The following AGTPBP1 variants were observed in gnomAD, a reference collection of about 807,000 sequenced individuals.
AGTPBP1 encodes the protein cytosolic carboxypeptidase 1.
In AGTPBP1, 70 loss-of-function variants were observed where a neutral mutation model predicts 143.9. The ratio of observed to expected loss-of-function variants is 0.49; its 90% CI spans 0.40 to 0.59. The LOEUF (loss-of-function observed/expected upper bound fraction) is 0.59. Ranked by LOEUF, AGTPBP1 falls within the 20% of genes least tolerant of loss-of-function variation. The pLI, the probability that AGTPBP1 is intolerant of heterozygous loss-of-function variation, is 0.00. For synonymous variants in AGTPBP1, 463 were observed against 500.2 expected, an observed-to-expected ratio of 0.93 and a Z score of 0.99; for missense variants, 1,229 against 1,464.5, an observed-to-expected ratio of 0.84 and a Z score of 2.62.
intron 23 of AGTPBP1, among the ~76,000 whole-genome samples, chr9:85,582,155 ATAGTTCAG>A (rs1484304286): frequency 1.3e-5 from 2 of 152,246 alleles, no homozygotes; most frequent in African/African-American, 4.8e-5. Context: ...TATCTTAACC[ATAGTTCAG>A]TATCAGAACA....
chr9:85,766,966 A>G, the AGTPBP1 span, among the ~76,000 whole-genome samples: 305 of 151,654 alleles, frequency 2.0e-3, 1 homozygote, highest in Non-Finnish European at 3.3e-3. Context: ...TCGTTACACT[A>G]ATAGAAGATT....
chr9:85,576,446 T>C (rs1827906828), intron 24 of AGTPBP1, among the ~76,000 whole-genome samples: 1 of 152,222 alleles, frequency 6.6e-6, no homozygotes. Context: ...TTTAAATTTT[T>C]CAACTTTTTG....
chr9:85,588,252 A>C (rs1246851494), intron 21 of AGTPBP1, 46 bp downstream of exon 21: 1 of 1,477,016 alleles, frequency 6.8e-7, no homozygotes, highest in East Asian at 2.4e-5. Flanking sequence ...TATACAGGAC[A>C]ACCACAATGG....
intron 1 of AGTPBP1, among the ~76,000 whole-genome samples, chr9:85,735,873 C>T (rs62570624): frequency 0.015 from 2,256 of 151,986 alleles, 25 homozygotes; most frequent in Middle Eastern, 0.037. Context: ...GTTTTTAATC[C>T]CTATATAACC....
chr9:85,728,048 C>T lies in AGTPBP1; in HGVS notation c.-34+13727G>A, dbSNP rs1202156737. On this transcript the variant is annotated intron_variant, in intron 1 of 25. Coordinates refer to ENST00000357081, the MANE Select transcript of AGTPBP1 (RefSeq NM_001330701.2). The stretch of plus-strand genomic sequence containing the variant: ...ATTTATATACACACACACACACACA[C>T]ACACACACACACACACACACACACA... 5.1e-3 allele frequency among the ~76,000 whole-genome samples: 758 copies of T among 149,732 alleles called. 8 individuals are homozygous for T. The highest frequency in any genetic ancestry group is 0.031 in the Middle Eastern group (9 of 294).
At chr9:85,744,778 T>C (rs934660819), upstream of AGTPBP1, among the ~76,000 whole-genome samples, 1 of 152,226 alleles carries the variant, frequency 6.6e-6, no homozygotes, top group Non-Finnish European at 1.5e-5. Flanking sequence ...TTCCCTTATC[T>C]GTACGAAACA....
intron 17 of AGTPBP1, among the ~76,000 whole-genome samples, chr9:85,602,046 A>G (rs575284179): frequency 6.6e-6 from 1 of 152,340 alleles, no homozygotes; most frequent in African/African-American, 2.4e-5. Flanking sequence ...CGACTGTTAT[A>G]CCAGATGTGC....
intron 6 of AGTPBP1, among the ~76,000 whole-genome samples, chr9:85,674,783 G>A (rs551025735): frequency 4.6e-5 from 7 of 152,192 alleles, no homozygotes; most frequent in Middle Eastern, 3.4e-3. Context: ...CTAGAAATAC[G>A]TATGTTAATA....
intron 25 of AGTPBP1, among the ~76,000 whole-genome samples, chr9:85,558,898 C>G (rs568818382): frequency 1.1e-4 from 16 of 152,198 alleles, no homozygotes; most frequent in Admixed American, 1.0e-3. Context: ...GGATTACAGG[C>G]GTGAGCCACT....
At chr9:85,725,539 T>C (rs4877950) in intron 1 of AGTPBP1, among the ~76,000 whole-genome samples, 113,656 of 151,864 alleles carry the variant, frequency 0.75, 43,740 homozygotes, top group African/African-American at 0.94. Context: ...CACAAACCTC[T>C]CCATAGGCAC....
rs543280504 is a variant in AGTPBP1, at chr9:85,554,874, T to C, written c.3504-7588A>G. Among the ~76,000 whole-genome samples the C allele has an allele frequency of 1.1e-4, 16 of 152,276 alleles. 1 individual carries two copies. The highest frequency in any genetic ancestry group is 3.1e-4 in the African/African-American group (13 of 41,548). ...AAGAATTTCACCATCTATTAATCTATTTAAAGAGAATCAAATGGAAAACCT... is the reference window on the plus strand; with the variant it reads ...AAGAATTTCACCATCTATTAATCTACTTAAAGAGAATCAAATGGAAAACCT... On this transcript the variant is annotated intron_variant, in intron 25 of 25. Transcript: ENST00000357081.
intron 2 of AGTPBP1, among the ~76,000 whole-genome samples, chr9:85,707,564 A>G (rs1228846126): frequency 6.6e-6 from 1 of 152,230 alleles, no homozygotes; most frequent in African/African-American, 2.4e-5. Context: ...TAAATGCTAG[A>G]CAGTAAAAAG....
intron 1 of AGTPBP1, among the ~76,000 whole-genome samples, chr9:85,736,960 G>C (rs929649334): frequency 5.3e-5 from 8 of 152,154 alleles, no homozygotes; most frequent in Non-Finnish European, 1.0e-4. Flanking sequence ...CAAAAAATTA[G>C]CCAGGCGTGG....
chr9:85,721,070 A>C (rs1186729232), intron 1 of AGTPBP1, among the ~76,000 whole-genome samples: 3 of 152,172 alleles, frequency 2.0e-5, no homozygotes, highest in African/African-American at 7.2e-5. Flanking sequence ...TTTGCTGAGG[A>C]GTGTTTTACT....
intron 7 of AGTPBP1, among the ~76,000 whole-genome samples, chr9:85,670,319 A>G: frequency 6.6e-6 from 1 of 152,184 alleles, no homozygotes; most frequent in South Asian, 2.1e-4. Context: ...ACTATGGGGA[A>G]TCACGCAAAA....
chr9:85,661,092 T>G (rs1341208029), intron 8 of AGTPBP1, 119 bp from the exon 9 acceptor site: 5 of 827,724 alleles, frequency 6.0e-6, no homozygotes, highest in African/African-American at 1.8e-5. Flanking sequence ...CAAAGTTTAC[T>G]CTTGTTTAAG....
chr9:85,717,408 G>A (rs1837777139), intron 1 of AGTPBP1, among the ~76,000 whole-genome samples: 1 of 152,192 alleles, frequency 6.6e-6, no homozygotes, highest in Non-Finnish European at 1.5e-5. Flanking sequence ...AAACTGAGGT[G>A]TGACAACCAC....
chr9:85,611,460 T>C (rs189132815), intron 17 of AGTPBP1, among the ~76,000 whole-genome samples: 1 of 152,008 alleles, frequency 6.6e-6, no homozygotes, highest in African/African-American at 2.4e-5. Context: ...GATAATTTTA[T>C]ACTATTAAAG....
intron 14 of AGTPBP1, among the ~76,000 whole-genome samples, chr9:85,628,763 G>A (rs1031523498): frequency 3.3e-5 from 5 of 152,132 alleles, no homozygotes; most frequent in African/African-American, 1.2e-4. Flanking sequence ...GCCCAAGCTG[G>A]AGTGCGGTGG....
Sources: gnomAD v4.1 joint callset for allele counts (sites outside exome capture counted in the v4.1 genomes callset) on GRCh38, gnomAD v4.1.1 for gene constraint, MANE v1.5 for transcripts, NCBI Gene and HGNC (gene_info 2026-07-23, HGNC 2026-07-21) for gene names.